CSF1: variants seen among roughly 807,000 people sequenced by gnomAD.
The protein encoded by CSF1 is colony stimulating factor 1, also known as macrophage colony-stimulating factor 1.
CSF1 carries 9 observed loss-of-function variants against 48.9 expected under a neutral mutation model. The ratio of observed to expected loss-of-function variants is 0.18; its 90% CI spans 0.11 to 0.32. The LOEUF (loss-of-function observed/expected upper bound fraction) is 0.32. Among genes scored for constraint, CSF1 ranks in the 10% least tolerant of loss-of-function variants. The probability of loss-of-function intolerance (pLI) is 1.00; values close to 1 mark genes in which losing one functional copy is unlikely to be tolerated. For synonymous variants in CSF1, 305 were observed against 284.1 expected (o/e 1.07, Z -0.74); for missense variants, 672 against 697.9 (o/e 0.96, Z 0.42).
intron 1 of CSF1, among the ~76,000 whole-genome samples, chr1:109,912,234 G>A (rs1654719870): frequency 6.6e-6 from 1 of 152,154 alleles, no homozygotes; most frequent in South Asian, 2.1e-4. Context: ...TTAGACAGGG[G>A]AAGTCCAAGG....
In CSF1 at chr1:109,921,847, G is replaced by A; in HGVS notation, c.397G>A (p.Ala133Thr). 6 of 1,579,712 alleles carry A rather than the reference G, an allele frequency of 3.8e-6. No individual in the cohort carries two copies. The highest frequency in any genetic ancestry group is 5.2e-6 in the Non-Finnish European group (6 of 1,158,134). ...FTKDYEEHDK[A>T]CVRTFYETPL... ...AAAGGGGGCCCTGATCTCCTTCCAG[G>A]CCTGCGTCCGAACTTTCTATGAGAC... The change falls in exon 5 of 9, where the codon GCC becomes ACC. Residue 133 changes from alanine (A) to threonine (T), a missense_variant and splice_region_variant. Physicochemically the swap from Ala to Thr is moderately conservative, Grantham distance 58 (BLOSUM62 0). Transcript: ENST00000329608.
At chr1:109,921,545 C>CTGCTGGAT (rs1386285263) in intron 4 of CSF1, among the ~76,000 whole-genome samples, 1 of 152,192 alleles carries the variant, frequency 6.6e-6, no homozygotes, top group Non-Finnish European at 1.5e-5. Flanking sequence ...TGTTTAGTCC[C>CTGCTGGAT]TGCTGGATTG....
intron 1 of CSF1, among the ~76,000 whole-genome samples, chr1:109,912,806 C>T (rs114399021): frequency 2.8e-4 from 42 of 152,270 alleles, no homozygotes; most frequent in African/African-American, 9.6e-4. Flanking sequence ...AGTACCTGGG[C>T]CATTATTCCC....
rs1647724429 is a variant in CSF1 at position 109,924,142 on chromosome 1, G to C, written c.1521G>C (p.Leu507=). The change falls in exon 6 of 9, where the codon CTG becomes CTC. Residue 507 remains leucine, a synonymous_variant. Coordinates refer to ENST00000329608, the MANE Select transcript of CSF1 (RefSeq NM_000757.6). ...VFHLLVPSVI[L]VLLAVGGLLF... ...ACCTGCTGGTGCCCAGTGTCATCCT[G>C]GTCTTGCTGGCCGTCGGAGGCCTCT... 2 of 1,613,682 alleles carry C rather than the reference G, an allele frequency of 1.2e-6. No individual in the cohort carries two copies. Among genetic ancestry groups the C allele is most frequent in the Non-Finnish European group, 1.7e-6 (2 of 1,179,876 alleles).
intron 4 of CSF1, 124 bp downstream of exon 4, chr1:109,917,587 A>C: frequency 1.4e-5 from 14 of 992,184 alleles, no homozygotes; most frequent in Non-Finnish European, 2.1e-5. Flanking sequence ...GCTCACTCTC[A>C]TTTATTTGTC....
intron 2 of CSF1, 97 bp downstream of exon 2, chr1:109,914,478 A>T: frequency 7.0e-7 from 1 of 1,423,076 alleles, no homozygotes; most frequent in South Asian, 1.6e-5. Flanking sequence ...GCAGGCAGGA[A>T]AATAGGGCAG....
At chr1:109,911,903 G>T (rs1442756113) in intron 1 of CSF1, among the ~76,000 whole-genome samples, 2 of 152,190 alleles carry the variant, frequency 1.3e-5, no homozygotes, top group South Asian at 4.1e-4. Context: ...AGCAGATGCA[G>T]CCATAGAAAG....
chr1:109,912,043 G>A (rs958059179), intron 1 of CSF1, among the ~76,000 whole-genome samples: 1 of 152,034 alleles, frequency 6.6e-6, no homozygotes, highest in Non-Finnish European at 1.5e-5. Flanking sequence ...AGAGGAGAGC[G>A]GGCTGCAGGT....
At chr1:109,920,466 G>C (rs966260773) in intron 4 of CSF1, among the ~76,000 whole-genome samples, 10 of 152,088 alleles carry the variant, frequency 6.6e-5, no homozygotes, top group Admixed American at 4.6e-4. Flanking sequence ...TTACAGGCAC[G>C]TGCCACCATG....
chr1:109,924,162 G>A lies in CSF1; in HGVS notation c.1541G>A (p.Gly514Asp). The A allele has an allele frequency of 6.2e-7, 1 of 1,612,916 alleles. No individual in the cohort carries two copies. The highest frequency in any genetic ancestry group is 1.7e-5 in the Admixed American group (1 of 59,918). The change falls in exon 6 of 9, where the codon GGC becomes GAC. Residue 514 changes from glycine (G) to aspartate (D), a missense_variant. By Grantham distance (94) the Gly-to-Asp change is moderately conservative. Coordinates refer to ENST00000329608, the MANE Select transcript of CSF1 (RefSeq NM_000757.6). ...ATCCTGGTCTTGCTGGCCGTCGGAG[G>A]CCTCTTGTTCTACAGGTGGAGGCGG... Reference protein sequence around the residue: ...SVILVLLAVGGLLFYRWRRRS... With the variant: ...SVILVLLAVGDLLFYRWRRRS...
At chr1:109,926,490 C>T (rs1647845938) in intron 8 of CSF1, 1 of 152,422 alleles carries the variant, frequency 6.6e-6, no homozygotes, top group South Asian at 2.1e-4. Context: ...GTAGCCCTCC[C>T]AGTTGTGCCT....
chr1:109,921,219 C>A (rs1647520922), intron 4 of CSF1, among the ~76,000 whole-genome samples: 1 of 152,236 alleles, frequency 6.6e-6, no homozygotes, highest in African/African-American at 2.4e-5. Flanking sequence ...ACGAGGCCCT[C>A]AAGACCTGGC....
chr1:109,918,003 G>A (rs1039846065), intron 4 of CSF1, among the ~76,000 whole-genome samples: 2 of 152,212 alleles, frequency 1.3e-5, no homozygotes, highest in Admixed American at 6.5e-5. Flanking sequence ...GAGACGACCC[G>A]AAGGAAGTGG....
chr1:109,920,241 G>A (rs1291848900), intron 4 of CSF1, among the ~76,000 whole-genome samples: 1 of 151,786 alleles, frequency 6.6e-6, no homozygotes, highest in Non-Finnish European at 1.5e-5. Flanking sequence ...TGAGAAGACT[G>A]GGCTCAGCTC....
rs1184805195 is a variant in CSF1, at chr1:109,923,291, G to A, written c.670G>A (p.Glu224Lys). 1.2e-6 allele frequency: 2 copies of A among 1,612,742 alleles called. No individual in the cohort carries two copies. Among genetic ancestry groups the A allele is most frequent in the East Asian group, 2.2e-5 (1 of 44,870 alleles). Residue 224 changes from glutamate to lysine, a missense_variant, in exon 6 of 9, where the codon GAG becomes AAG. Physicochemically the swap from Glu to Lys is moderately conservative, Grantham distance 56. Transcript: ENST00000329608. ...GGCCCCTGTGGCTGGCTTGACCTGG[G>A]AGGACTCTGAGGGAACTGAGGGCAG... The part of the protein sequence containing the change: ...SMAPVAGLTW[E>K]DSEGTEGSSL...
intron 1 of CSF1, 98 bp from the exon 2 acceptor site, chr1:109,914,161 T>G: frequency 7.7e-6 from 10 of 1,299,950 alleles, no homozygotes; most frequent in South Asian, 1.8e-5. Flanking sequence ...GCCTGTAGCA[T>G]TGTAGATATG....
chr1:109,926,012 G>A (rs1647829133), intron 8 of CSF1: 3 of 152,198 alleles, frequency 2.0e-5, no homozygotes, highest in Admixed American at 2.0e-4. Context: ...AATTCTCTAA[G>A]CTAAGTATGG....
At chr1:109,912,004 G>T (rs374684173) in intron 1 of CSF1, among the ~76,000 whole-genome samples, 43 of 152,196 alleles carry the variant, frequency 2.8e-4, no homozygotes, top group Admixed American at 7.8e-4. Context: ...GAAACCTGGG[G>T]GGAAAAGAGC....
intron 4 of CSF1, among the ~76,000 whole-genome samples, chr1:109,919,275 G>A (rs1415289334): frequency 6.6e-6 from 1 of 152,148 alleles, no homozygotes; most frequent in Non-Finnish European, 1.5e-5. Flanking sequence ...GTCTCATTCT[G>A]TCACCCAAGC....
Sources: gnomAD v4.1 joint callset for allele counts (sites outside exome capture counted in the v4.1 genomes callset) on GRCh38, gnomAD v4.1.1 for gene constraint, MANE v1.5 for transcripts, NCBI Gene and HGNC (gene_info 2026-07-23, HGNC 2026-07-21) for gene names.